Variants in SORCS1 observed in about 807,000 individuals in gnomAD.
SORCS1 encodes sortilin related VPS10 domain containing receptor 1.
A neutral mutation model predicts 146.1 loss-of-function variants in SORCS1; 60 were observed. That is an observed-to-expected ratio of 0.41 (90% confidence interval 0.33 to 0.51). SORCS1 has a LOEUF of 0.51. Ranked by LOEUF, SORCS1 falls within the 20% of genes least tolerant of loss-of-function variation. SORCS1 has a pLI of 0.21. For synonymous variants in SORCS1, 637 were observed against 584.0 expected, an observed-to-expected ratio of 1.09 and a Z score of -1.31; for missense variants, 1,352 against 1,487.6, an observed-to-expected ratio of 0.91 and a Z score of 1.50.
At chr10:106,671,615 C>T (rs1403037918) in intron 15 of SORCS1, among the ~76,000 whole-genome samples, 2 of 152,168 alleles carry the variant, frequency 1.3e-5, no homozygotes, top group African/African-American at 4.8e-5. Context: ...CTTATCAAGC[C>T]TTTATTTGGC....
At chr10:107,140,531 C>G (rs183526416) in intron 1 of SORCS1, among the ~76,000 whole-genome samples, 1 of 152,130 alleles carries the variant, frequency 6.6e-6, no homozygotes, top group Non-Finnish European at 1.5e-5. Context: ...CTGTGAATGC[C>G]TATAATGTTT....
At chr10:106,667,924 CAA>C (rs66783381) in intron 16 of SORCS1, 122 bp from the exon 17 acceptor site, 4,309 of 411,474 alleles carry the variant, frequency 0.01, 1 homozygote, top group South Asian at 0.023. Context: ...AAAATAAAAA[CAA>C]AAAAAAAAAA....
At chr10:107,119,081 G>A (rs2134521763) in intron 1 of SORCS1, among the ~76,000 whole-genome samples, 1 of 152,262 alleles carries the variant, frequency 6.6e-6, no homozygotes, top group East Asian at 1.9e-4. Flanking sequence ...AATGAAATGA[G>A]TACAGAGCCA....
At chr10:107,175,775 T>G in the SORCS1 span, among the ~76,000 whole-genome samples, 2 of 152,184 alleles carry the variant, frequency 1.3e-5, no homozygotes, top group African/African-American at 4.8e-5. Flanking sequence ...TACATTGTGT[T>G]TTTCAAATAC....
intron 17 of SORCS1, among the ~76,000 whole-genome samples, chr10:106,653,960 A>G (rs995857380): frequency 6.6e-6 from 1 of 152,184 alleles, no homozygotes; most frequent in Non-Finnish European, 1.5e-5. Context: ...TGCACTAGCT[A>G]ATTTTATTCT....
At chr10:106,618,082 A>T in intron 21 of SORCS1, 67 bp downstream of exon 21, 3 of 1,597,420 alleles carry the variant, frequency 1.9e-6, no homozygotes, top group Non-Finnish European at 2.6e-6. Context: ...GGTCTCTGGC[A>T]TCATGGCACA....
In SORCS1 at chr10:106,882,830, T is replaced by C. The variant is rs1950855882; in HGVS notation, c.627-53157A>G. On this transcript the variant is annotated intron_variant, in intron 2 of 25. Transcript: ENST00000263054. ...ATTGGATGGAGACGCAGCACAGGCT[T>C]GGATTTGGGGCTCTGCACTTGACAA... Among the ~76,000 whole-genome samples, 3 of 152,172 alleles carry C rather than the reference T, an allele frequency of 2.0e-5. No individual in the cohort carries two copies. In the South Asian group the frequency reaches 6.2e-4, roughly 32 times the overall value.
At chr10:107,102,998 T>G (rs1965041434) in intron 1 of SORCS1, among the ~76,000 whole-genome samples, 1 of 152,150 alleles carries the variant, frequency 6.6e-6, no homozygotes, top group Non-Finnish European at 1.5e-5. Context: ...AGATAACATT[T>G]TTTGCCTATC....
At position 106,745,081 on chromosome 10, in the gene SORCS1, G is replaced by T. The variant is rs145231162; in HGVS notation, c.960-14967C>A. Among the ~76,000 whole-genome samples, 618 of 152,198 alleles carry T rather than the reference G, an allele frequency of 4.1e-3. 6 individuals are homozygous for T. The highest frequency in any genetic ancestry group is 0.014 in the African/African-American group (595 of 41,526). On this transcript the variant is annotated intron_variant, in intron 5 of 25. Coordinates refer to ENST00000263054, the MANE Select transcript of SORCS1 (RefSeq NM_052918.5). ...GGGATCCTCTTGACAATAGCTCAGA[G>T]CCAGGGCAGAGGGACACCTAAAGTG...
At chr10:106,750,611 C>T (rs1293951224) in intron 5 of SORCS1, among the ~76,000 whole-genome samples, 1 of 149,006 alleles carries the variant, frequency 6.7e-6, no homozygotes, top group African/African-American at 2.5e-5. Flanking sequence ...TGCCTGTAGT[C>T]CCAGCTACTC....
chr10:106,707,738 G>T (rs1178260690), intron 7 of SORCS1, among the ~76,000 whole-genome samples: 1 of 152,114 alleles, frequency 6.6e-6, no homozygotes, highest in African/African-American at 2.4e-5. Context: ...CAGGTAGAGA[G>T]GGCAGGTGTG....
chr10:106,999,297 C>A (rs746252057), intron 1 of SORCS1, among the ~76,000 whole-genome samples: 22 of 151,866 alleles, frequency 1.4e-4, no homozygotes, highest in Non-Finnish European at 2.9e-4. Flanking sequence ...AGGCAAACAT[C>A]ATTTGTCTTC....
chr10:107,168,138 C>T (rs2134978834), upstream of SORCS1, among the ~76,000 whole-genome samples: 1 of 152,318 alleles, frequency 6.6e-6, no homozygotes, highest in East Asian at 1.9e-4. Flanking sequence ...TAGGGGCTAT[C>T]CTTTTCGCTG....
intron 1 of SORCS1, among the ~76,000 whole-genome samples, chr10:107,146,903 T>C (rs1968376081): frequency 6.6e-6 from 1 of 152,184 alleles, no homozygotes; most frequent in Admixed American, 6.5e-5. Flanking sequence ...CTTGTACTCA[T>C]GTCTAGCGAA....
intron 1 of SORCS1, among the ~76,000 whole-genome samples, chr10:106,987,206 T>C (rs185380649): frequency 9.2e-4 from 140 of 152,350 alleles, no homozygotes; most frequent in African/African-American, 3.2e-3. Flanking sequence ...CTTAGGCTTC[T>C]GGAAAATTCC....
intron 14 of SORCS1, 150 bp from the exon 15 acceptor site, chr10:106,673,135 A>ACT: frequency 2.0e-6 from 1 of 502,388 alleles, no homozygotes; most frequent in Admixed American, 5.4e-5. Flanking sequence ...TGAAGAGGGT[A>ACT]CTTTTTTTTT....
intron 3 of SORCS1, among the ~76,000 whole-genome samples, chr10:106,802,730 G>A (rs910929290): frequency 9.3e-5 from 14 of 151,184 alleles, no homozygotes; most frequent in Admixed American, 3.3e-4. Flanking sequence ...AACTCCTGAC[G>A]TCTGCTGATT....
rs370679881 is a variant in SORCS1, at chr10:106,652,516, C to G, written c.2341G>C (p.Val781Leu). 6.2e-7 allele frequency: 1 copy of G among 1,613,888 alleles called. No homozygotes were observed. Among genetic ancestry groups the G allele is most frequent in the East Asian group, 2.2e-5 (1 of 44,878 alleles). ...KVVSNNCTDG[V>L]REQYTAKPQK... ...GGTTTGGCAGTGTACTGTTCCCTTA[C>G]GCCATCAGTGCAATTATTGGAAACC... The change falls in exon 18 of 26, where the codon GTA (valine) becomes CTA (leucine). Residue 781 changes from valine (V) to leucine (L), a missense_variant. By Grantham distance (32) the Val-to-Leu change is conservative. This residue lies in a region of SORCS1 where 648 missense variants were observed against 793.8 expected (regional missense o/e 0.82). Coordinates refer to ENST00000263054, the MANE Select transcript of SORCS1 (RefSeq NM_052918.5).
At chr10:107,087,762 A>T (rs1701873760) in intron 1 of SORCS1, among the ~76,000 whole-genome samples, 1 of 152,224 alleles carries the variant, frequency 6.6e-6, no homozygotes. Flanking sequence ...GCAAAGATGG[A>T]ATTAATAGCC....
Sources: allele counts gnomAD v4.1 joint callset (sites outside exome capture counted in the v4.1 genomes callset), GRCh38; gene constraint gnomAD v4.1.1; regional missense constraint gnomAD v4.1.1; transcripts MANE v1.5; gene names NCBI Gene and HGNC (gene_info 2026-07-23, HGNC 2026-07-21).